Variants in DOCK3 observed in about 807,000 individuals in gnomAD.
DOCK3 encodes the protein dedicator of cytokinesis 3, also known as dedicator of cytokinesis protein 3.
DOCK3 carries 60 observed loss-of-function variants against 265.6 expected under a neutral mutation model. That is an observed-to-expected ratio of 0.23 (90% CI 0.18 to 0.28). DOCK3 has a LOEUF of 0.28. Ranked by LOEUF, DOCK3 falls within the 10% of genes least tolerant of loss-of-function variation. DOCK3 has a pLI of 1.00. For missense variants in DOCK3, 1,981 were observed against 2,594.3 expected (o/e 0.76, Z 5.14); for synonymous variants, 881 against 938.0 (o/e 0.94, Z 1.11).
chr3:51,048,368 T>C (rs534891142), intron 5 of DOCK3, among the ~76,000 whole-genome samples: 1 of 152,274 alleles, frequency 6.6e-6, no homozygotes, highest in African/African-American at 2.4e-5. Context: ...TGGTACAGGT[T>C]GAATATCCCT....
chr3:50,761,537 C>T (rs1017570455), intron 1 of DOCK3, among the ~76,000 whole-genome samples: 7 of 152,162 alleles, frequency 4.6e-5, no homozygotes, highest in African/African-American at 1.7e-4. Context: ...CTAGATTCCA[C>T]CTTTGGTGTC....
chr3:51,105,320 A>G (rs2083241590), intron 9 of DOCK3, among the ~76,000 whole-genome samples: 1 of 152,196 alleles, frequency 6.6e-6, no homozygotes, highest in Non-Finnish European at 1.5e-5. Context: ...TAGTGCACAG[A>G]TAATGTGCAG....
intron 22 of DOCK3, among the ~76,000 whole-genome samples, chr3:51,251,763 C>T (rs1401881041): frequency 2.6e-5 from 4 of 152,068 alleles, no homozygotes; most frequent in African/African-American, 4.8e-5. Flanking sequence ...GGATATTAGC[C>T]GTTTGTCAGA....
At chr3:50,866,697 C>A (rs1370099401) in intron 3 of DOCK3, among the ~76,000 whole-genome samples, 1 of 152,114 alleles carries the variant, frequency 6.6e-6, no homozygotes, top group African/African-American at 2.4e-5. Context: ...GTCTTTTCCT[C>A]AGTGTATGTT....
chr3:51,085,663 G>A (rs952768021), intron 7 of DOCK3, among the ~76,000 whole-genome samples: 12 of 152,148 alleles, frequency 7.9e-5, no homozygotes, highest in African/African-American at 2.9e-4. Context: ...TGTGAGATAT[G>A]GCAAAAGCAG....
At chr3:51,251,867 T>C (rs1227719676) in intron 22 of DOCK3, among the ~76,000 whole-genome samples, 1 of 152,218 alleles carries the variant, frequency 6.6e-6, no homozygotes, top group Non-Finnish European at 1.5e-5. Context: ...TCAGTTTAAT[T>C]AGATCCCATT....
At chr3:50,820,884 A>G (rs1243024147) in intron 2 of DOCK3, among the ~76,000 whole-genome samples, 2 of 136,722 alleles carry the variant, frequency 1.5e-5, no homozygotes, top group Non-Finnish European at 3.1e-5. Flanking sequence ...GTGAGATGGT[A>G]TCTCATTGTG....
chr3:51,378,356 C>G (rs115025425), intron 51 of DOCK3, among the ~76,000 whole-genome samples: 1 of 152,220 alleles, frequency 6.6e-6, no homozygotes, highest in Non-Finnish European at 1.5e-5. Context: ...TATCCCTGGA[C>G]AGCTGAGGGG....
At chr3:51,295,126 G>C (rs912871460) in intron 27 of DOCK3, among the ~76,000 whole-genome samples, 1 of 152,216 alleles carries the variant, frequency 6.6e-6, no homozygotes, top group Non-Finnish European at 1.5e-5. Context: ...AGTCCATTTT[G>C]TGTTTCTATA....
At position 51,167,544 on chromosome 3, in the gene DOCK3, T is replaced by C. The variant is rs149225875; in HGVS notation, c.1037+6842T>C. On this transcript the variant is annotated intron_variant, in intron 12 of 52. Transcript: ENST00000266037. ...TCTGTAGATCACTTTTGGTATTATA[T>C]GGATATTTTGAAAATATTAATTCTT... is the stretch of plus-strand genomic sequence containing the variant. Among the ~76,000 whole-genome samples, 15 of 152,310 alleles carry C rather than the reference T, an allele frequency of 9.8e-5. 1 individual carries two copies. In the East Asian group the frequency reaches 2.9e-3, roughly 29 times the overall value.
intron 12 of DOCK3, among the ~76,000 whole-genome samples, chr3:51,169,249 G>A (rs2086555538): frequency 6.6e-6 from 1 of 152,078 alleles, no homozygotes; most frequent in South Asian, 2.1e-4. Context: ...TATACCCAAA[G>A]AAATATGAAT....
At chr3:50,838,692 C>T (rs543702471) in intron 2 of DOCK3, among the ~76,000 whole-genome samples, 53 of 152,266 alleles carry the variant, frequency 3.5e-4, no homozygotes, top group African/African-American at 1.2e-3. Flanking sequence ...GAAGATACTT[C>T]AGTGTACTGG....
rs866401385 is a variant in DOCK3 at position 50,912,428 on chromosome 3, A to G, written c.219-21553A>G. Among the ~76,000 whole-genome samples the G allele has an allele frequency of 8.5e-5, 13 of 152,062 alleles. No homozygotes were observed. In the East Asian group the frequency reaches 1.5e-3, roughly 18 times the overall value. On this transcript the variant is annotated intron_variant, in intron 4 of 52. Transcript: ENST00000266037. ...CACTGAATGTCACCCAAGGACTACT[A>G]TAACCACTCCCTGGCTACTGTGTAT...
intron 3 of DOCK3, among the ~76,000 whole-genome samples, chr3:50,863,081 G>A (rs1463763617): frequency 6.6e-6 from 1 of 152,152 alleles, no homozygotes; most frequent in Non-Finnish European, 1.5e-5. Context: ...CGAGGGCTTT[G>A]GTGGGCTGCA....
intron 19 of DOCK3, among the ~76,000 whole-genome samples, chr3:51,233,468 T>C (rs2078226024): frequency 1.3e-5 from 2 of 152,022 alleles, no homozygotes; most frequent in Admixed American, 1.3e-4. Flanking sequence ...CAGATTCAAG[T>C]GATTCTCCTG....
intron 3 of DOCK3, among the ~76,000 whole-genome samples, chr3:50,865,781 G>C (rs1261390620): frequency 1.3e-5 from 2 of 152,090 alleles, no homozygotes; most frequent in Non-Finnish European, 2.9e-5. Flanking sequence ...AGCATGCAAG[G>C]GTTCCCTTTT....
intron 12 of DOCK3, among the ~76,000 whole-genome samples, chr3:51,205,847 C>G (rs1264696676): frequency 6.6e-6 from 1 of 152,144 alleles, no homozygotes; most frequent in East Asian, 1.9e-4. Context: ...GGCAGTTCTG[C>G]AAAGCTAAAT....
intron 7 of DOCK3, among the ~76,000 whole-genome samples, chr3:51,080,581 G>GT (rs1441288362): frequency 6.6e-6 from 1 of 152,188 alleles, no homozygotes; most frequent in Non-Finnish European, 1.5e-5. Flanking sequence ...GGCTGCCCAT[G>GT]TGGTATGCTT....
At chr3:51,356,008 T>TC in intron 41 of DOCK3, 81 bp from the exon 42 acceptor site, 1 of 1,566,196 alleles carries the variant, frequency 6.4e-7, no homozygotes. Flanking sequence ...GGTGCACTTC[T>TC]CCCCTTTGAG....
Sources: gnomAD v4.1 joint callset for allele counts (sites outside exome capture counted in the v4.1 genomes callset) on GRCh38, gnomAD v4.1.1 for gene constraint, MANE v1.5 for transcripts, NCBI Gene and HGNC (gene_info 2026-07-23, HGNC 2026-07-21) for gene names.